The following NEK7 variants were observed in gnomAD, a reference collection of about 807,000 sequenced individuals.
NEK7 encodes NIMA related kinase 7, also known as serine/threonine-protein kinase Nek7.
Under a neutral mutation model 44.6 loss-of-function variants are expected in NEK7, and 18 were observed. The observed-to-expected ratio is 0.40, with a 90% CI of 0.28 to 0.60. NEK7 has a LOEUF of 0.60. NEK7 is among the 20% of genes least tolerant of loss of function. The pLI is 0.38. For missense variants in NEK7, 256 were observed against 366.5 expected (o/e 0.70, Z 2.46); for synonymous variants, 130 against 121.1 (o/e 1.07, Z -0.48).
intron 1 of NEK7, among the ~76,000 whole-genome samples, chr1:198,195,969 G>C (rs529411090): frequency 6.6e-6 from 1 of 151,988 alleles, no homozygotes; most frequent in Non-Finnish European, 1.5e-5. Flanking sequence ...TTAATAAAAG[G>C]TTATCTATAA....
rs977367597 is a variant in NEK7 at position 198,157,145 on chromosome 1, T to G, written c.-160T>G. 3.3e-5 allele frequency: 5 copies of G among 150,942 alleles called. No homozygotes were observed. Among genetic ancestry groups the G allele is most frequent in the African/African-American group, 1.2e-4 (5 of 41,060 alleles). 9.4% of individuals were successfully genotyped at this position (150,942 alleles called of 1,614,324 possible). On this transcript the variant is annotated 5_prime_UTR_variant, in exon 1 of 10. Coordinates refer to ENST00000367385, the MANE Select transcript of NEK7 (RefSeq NM_133494.3). ...TCCGCCGGGGCGGCGCGGCGGGAGGTGGCCGACAGGCTCCGGGCCTCGCAG... is the reference window on the plus strand; with the variant it reads ...TCCGCCGGGGCGGCGCGGCGGGAGGGGGCCGACAGGCTCCGGGCCTCGCAG...
At position 198,320,720 on chromosome 1, in the gene NEK7, T is replaced by A. The variant is rs891904419; in HGVS notation, c.*1198T>A. 6.6e-6 allele frequency: 1 copy of A among 152,184 alleles called. No individual in the cohort carries two copies. Among genetic ancestry groups the A allele is most frequent in the Non-Finnish European group, 1.5e-5 (1 of 68,024 alleles). 9.4% of individuals were successfully genotyped at this position (152,184 alleles called of 1,614,324 possible). A position where few individuals can be genotyped will look rare whatever the true frequency, so the allele number is the denominator to read the frequency against. ...CTGTACCTGTGAATGTTGATACAGT[T>A]ACAATTTATTTGACAAGGTTGTAAT... On this transcript the variant is annotated 3_prime_UTR_variant, in exon 10 of 10. Coordinates refer to ENST00000367385, the MANE Select transcript of NEK7 (RefSeq NM_133494.3).
chr1:198,184,840 A>AATTTATTT (rs543627297), intron 1 of NEK7, among the ~76,000 whole-genome samples: 2 of 151,732 alleles, frequency 1.3e-5, no homozygotes, highest in Admixed American at 6.6e-5. Flanking sequence ...GGCTAATTGA[A>AATTTATTT]ATTTATTTAT....
intron 2 of NEK7, among the ~76,000 whole-genome samples, chr1:198,251,542 C>A (rs1396204024): frequency 6.6e-6 from 1 of 151,974 alleles, no homozygotes; most frequent in African/African-American, 2.4e-5. Context: ...TGATTATTGC[C>A]ACAATTTCAG....
intron 1 of NEK7, chr1:198,197,761 A>G: frequency 1.5e-6 from 1 of 668,940 alleles, no homozygotes; most frequent in Non-Finnish European, 2.8e-6. Flanking sequence ...ACTTGAGGGT[A>G]AGGTCCAGGG....
At chr1:198,180,509 T>C (rs1664735110) in intron 1 of NEK7, among the ~76,000 whole-genome samples, 1 of 152,078 alleles carries the variant, frequency 6.6e-6, no homozygotes, top group Admixed American at 6.6e-5. Context: ...ATTGAGAAGC[T>C]TGCATTTGCT....
Position 198,319,494 on chromosome 1 carries a change from G to A in NEK7, c.881G>A (p.Arg294Lys). 6.2e-7 allele frequency: 1 copy of A among 1,612,618 alleles called. No individual in the cohort carries two copies. The highest frequency in any genetic ancestry group is 1.1e-5 in the South Asian group (1 of 90,970). Residue 294 changes from arginine to lysine, a missense_variant, in exon 10 of 10, where the codon AGG becomes AAG. Physicochemically the swap from Arg to Lys is conservative, Grantham distance 26. Around this residue, in one of 3 missense-constraint regions of NEK7, gnomAD observed 58 missense variants for 66.5 expected, o/e 0.87. Transcript: ENST00000367385. ...DVTYVYDVAKRMHACTASS is the reference protein window; with the variant it reads ...DVTYVYDVAKKMHACTASS ...ACCTATGTTTATGACGTAGCAAAGA[G>A]GATGCATGCATGCACTGCAAGCAGC... is the stretch of plus-strand genomic sequence containing the variant.
intron 2 of NEK7, among the ~76,000 whole-genome samples, chr1:198,246,790 G>A (rs951632111): frequency 6.6e-6 from 1 of 152,190 alleles, no homozygotes; most frequent in Non-Finnish European, 1.5e-5. Context: ...TAAAGTATCT[G>A]AATTGTTTGA....
intron 1 of NEK7, among the ~76,000 whole-genome samples, chr1:198,205,217 C>T (rs1332689727): frequency 6.6e-6 from 1 of 152,140 alleles, no homozygotes; most frequent in East Asian, 1.9e-4. Flanking sequence ...CCAAAAACAG[C>T]GGCAGTTTTG....
chr1:198,160,774 G>A (rs1558036014), intron 1 of NEK7, among the ~76,000 whole-genome samples: 1 of 151,984 alleles, frequency 6.6e-6, no homozygotes, highest in Admixed American at 6.6e-5. Flanking sequence ...TAATATAATG[G>A]CAGTTCAGAA....
intron 1 of NEK7, among the ~76,000 whole-genome samples, chr1:198,211,948 G>A (rs995290555): frequency 5.3e-5 from 8 of 152,192 alleles, no homozygotes; most frequent in Admixed American, 2.0e-4. Context: ...GCAGGGGAGC[G>A]GGACAATCCA....
intron 1 of NEK7, among the ~76,000 whole-genome samples, chr1:198,198,936 G>T (rs1258348281): frequency 2.0e-5 from 3 of 152,228 alleles, no homozygotes; most frequent in Non-Finnish European, 4.4e-5. Flanking sequence ...CGTGGTTGGT[G>T]AAAGTTTTAA....
intron 1 of NEK7, among the ~76,000 whole-genome samples, chr1:198,212,654 A>G (rs911493033): frequency 3.9e-5 from 6 of 152,152 alleles, no homozygotes; most frequent in African/African-American, 9.7e-5. Flanking sequence ...CTGCCCTTGT[A>G]GGGTAACACA....
chr1:198,289,297 G>A (rs1042558903), intron 7 of NEK7, among the ~76,000 whole-genome samples: 11 of 152,064 alleles, frequency 7.2e-5, no homozygotes, highest in Non-Finnish European at 1.2e-4. Context: ...AACTCAGTTC[G>A]TTTGTTTGTA....
intron 1 of NEK7, among the ~76,000 whole-genome samples, chr1:198,207,466 A>T (rs1331328211): frequency 1.3e-5 from 2 of 151,928 alleles, no homozygotes; most frequent in Non-Finnish European, 2.9e-5. Context: ...AACAATGCAG[A>T]CCCCCCTCAG....
intron 5 of NEK7, among the ~76,000 whole-genome samples, chr1:198,276,675 A>G (rs1394429961): frequency 1.3e-5 from 2 of 151,778 alleles, no homozygotes; most frequent in Non-Finnish European, 3.0e-5. Flanking sequence ...TATAATAACT[A>G]TTGAAATTGC....
At chr1:198,201,348 A>G (rs1665424349) in intron 1 of NEK7, among the ~76,000 whole-genome samples, 1 of 152,226 alleles carries the variant, frequency 6.6e-6, no homozygotes, top group Non-Finnish European at 1.5e-5. Context: ...TTGAAAAGCC[A>G]GGAGTATATA....
intron 4 of NEK7, 113 bp downstream of exon 4, chr1:198,262,750 A>G (rs1653519949): frequency 2.0e-6 from 1 of 502,530 alleles, no homozygotes; most frequent in Admixed American, 3.1e-5. Context: ...CACTGATTTC[A>G]AGTAATATTA....
chr1:198,314,905 CCAGAGGTGGAGCCTA>C (rs1655308624), intron 9 of NEK7, among the ~76,000 whole-genome samples: 3 of 152,214 alleles, frequency 2.0e-5, no homozygotes, highest in Admixed American at 6.5e-5. Context: ...TGCCCTGCCC[CCAGAGGTGGAGCCTA>C]CAGAGGCAGG....
Sources: gnomAD v4.1 joint callset for allele counts (sites outside exome capture counted in the v4.1 genomes callset) on GRCh38, gnomAD v4.1.1 for gene constraint, gnomAD v4.1.1 regional missense constraint, MANE v1.5 for transcripts, NCBI Gene and HGNC (gene_info 2026-07-23, HGNC 2026-07-21) for gene names.